The following CSMD1 variants were observed in gnomAD, a reference collection of about 807,000 sequenced individuals.
CSMD1 encodes the protein CUB and Sushi multiple domains 1.
Under a neutral mutation model 417.5 loss-of-function variants are expected in CSMD1, and 213 were observed. The ratio of observed to expected loss-of-function variants is 0.51; its 90% confidence interval spans 0.46 to 0.57. The LOEUF (loss-of-function observed/expected upper bound fraction) is 0.57. Among genes scored for constraint, CSMD1 ranks in the 20% least tolerant of loss-of-function variants. CSMD1 has a pLI of 0.00. For synonymous variants in CSMD1, 2,862 were observed against 1,736.8 expected, an observed-to-expected ratio of 1.65 and a Z score of -16.11; for missense variants, 6,923 against 4,529.7, an observed-to-expected ratio of 1.53 and a Z score of -15.17.
rs772676199 is a variant in CSMD1 at position 3,930,861 on chromosome 8, C to T, written c.818+67042G>A. ...AAGTAATAGATATCTTAATAGTTAA[C>T]TTACATTTTAGTCTAGTTTTAAAAC... On this transcript the variant is annotated intron_variant, in intron 5 of 69. Transcript: ENST00000635120. 5.3e-5 allele frequency among the ~76,000 whole-genome samples: 8 copies of T among 150,624 alleles called. 1 individual carries two copies. Among genetic ancestry groups the T allele is most frequent in the Non-Finnish European group, 1.0e-4 (7 of 67,578 alleles).
At chr8:3,767,009 C>G (rs984454752) in intron 5 of CSMD1, among the ~76,000 whole-genome samples, 1 of 152,232 alleles carries the variant, frequency 6.6e-6, no homozygotes, top group Non-Finnish European at 1.5e-5. Context: ...CCCTCAACAT[C>G]TGAGATCATA....
At chr8:3,204,857 C>T (rs1244392112) in intron 31 of CSMD1, among the ~76,000 whole-genome samples, 2 of 152,176 alleles carry the variant, frequency 1.3e-5, no homozygotes, top group Non-Finnish European at 2.9e-5. Flanking sequence ...AGAAAAGAAT[C>T]TGATCCAAGA....
At chr8:4,981,866 A>C (rs562518481) in intron 1 of CSMD1, among the ~76,000 whole-genome samples, 1 of 152,038 alleles carries the variant, frequency 6.6e-6, no homozygotes, top group Non-Finnish European at 1.5e-5. Flanking sequence ...GTAGCACTCA[A>C]CTGTGGAGTC....
intron 10 of CSMD1, among the ~76,000 whole-genome samples, chr8:3,511,036 A>C (rs144332108): frequency 6.6e-6 from 1 of 151,848 alleles, no homozygotes; most frequent in Non-Finnish European, 1.5e-5. Flanking sequence ...TACACCATGG[A>C]ATACTATGCA....
intron 5 of CSMD1, among the ~76,000 whole-genome samples, chr8:3,975,353 T>C (rs892566777): frequency 6.6e-6 from 1 of 152,198 alleles, no homozygotes; most frequent in Non-Finnish European, 1.5e-5. Flanking sequence ...AACTGCAATA[T>C]AATAATGTTA....
intron 54 of CSMD1, among the ~76,000 whole-genome samples, chr8:2,986,238 T>C (rs1009457836): frequency 1.3e-5 from 2 of 152,240 alleles, no homozygotes; most frequent in Non-Finnish European, 2.9e-5. Flanking sequence ...GGACTCACTG[T>C]CTGCCAGGCA....
intron 5 of CSMD1, among the ~76,000 whole-genome samples, chr8:3,758,299 G>C (rs1179437541): frequency 6.6e-6 from 1 of 152,180 alleles, no homozygotes; most frequent in African/African-American, 2.4e-5. Context: ...GCAAGGGTGA[G>C]GGCTTTAGAC....
chr8:2,935,858 A>G lies in CSMD1; in HGVS notation c.*2727T>C, dbSNP rs745569381. The G allele has an allele frequency of 1.7e-4, 26 of 152,240 alleles. No homozygotes were observed. The highest frequency in any genetic ancestry group is 6.5e-5 in the Admixed American group (1 of 15,276). The allele number at this position is 152,240 out of a possible 1,614,324, so 9.4% of individuals were successfully genotyped here. ...ACAGAAGAAAAAAATTATTGCAGCTAGCCTGAAAAAAGGCAAGATGTGTGT... is the reference window on the plus strand; with the variant it reads ...ACAGAAGAAAAAAATTATTGCAGCTGGCCTGAAAAAAGGCAAGATGTGTGT... On this transcript the variant is annotated 3_prime_UTR_variant, in exon 70 of 70. Transcript: ENST00000635120.
intron 1 of CSMD1, among the ~76,000 whole-genome samples, chr8:4,738,812 G>C (rs1411237185): frequency 2.0e-5 from 3 of 152,014 alleles, no homozygotes; most frequent in Non-Finnish European, 2.9e-5. Flanking sequence ...CCCTGTCTGA[G>C]TTCAACTACA....
At position 4,237,524 on chromosome 8, in the gene CSMD1, G is replaced by C. The variant is rs180872758; in HGVS notation, c.415+182429C>G. ...CTCTTGAACATGATGCTATACTGCA[G>C]TCAATACTACTTTTTTTTTTTTGTT... is the stretch of plus-strand genomic sequence containing the variant. On this transcript the variant is annotated intron_variant, in intron 3 of 69. Coordinates refer to ENST00000635120, the MANE Select transcript of CSMD1 (RefSeq NM_033225.6). Among the ~76,000 whole-genome samples the C allele has an allele frequency of 1.6e-3, 213 of 129,890 alleles. 2 individuals are homozygous for C. The highest frequency in any genetic ancestry group is 8.8e-3 in the Admixed American group (95 of 10,784). 85.2% of individuals were successfully genotyped at this position (129,890 alleles called of 152,430 possible).
chr8:4,169,636 G>C (rs1250916212), intron 3 of CSMD1, among the ~76,000 whole-genome samples: 1 of 152,118 alleles, frequency 6.6e-6, no homozygotes, highest in Admixed American at 6.5e-5. Flanking sequence ...GTCCCTTGCT[G>C]CTGCAGGGAC....
chr8:4,252,646 G>A (rs548330316), intron 3 of CSMD1, among the ~76,000 whole-genome samples: 1 of 152,316 alleles, frequency 6.6e-6, no homozygotes, highest in African/African-American at 2.4e-5. Flanking sequence ...GTAACACCCA[G>A]TTTAAAAATG....
intron 5 of CSMD1, among the ~76,000 whole-genome samples, chr8:3,830,359 G>C (rs975033534): frequency 5.9e-5 from 9 of 152,198 alleles, no homozygotes; most frequent in African/African-American, 2.2e-4. Flanking sequence ...TCTCTGCTCA[G>C]AGGTTGCTTT....
At chr8:3,340,897 A>C (rs894676951) in intron 23 of CSMD1, among the ~76,000 whole-genome samples, 2 of 152,202 alleles carry the variant, frequency 1.3e-5, no homozygotes, top group African/African-American at 4.8e-5. Context: ...GAGAACAAGA[A>C]AATTACTCCT....
chr8:4,304,240 G>A lies in CSMD1; in HGVS notation c.415+115713C>T, dbSNP rs370394399. On this transcript the variant is annotated intron_variant, in intron 3 of 69. Transcript: ENST00000635120. ...AAAGCTGTTTTATTCTAAATGTGAA[G>A]GGCTTTGCAGGCAAAGTCAAGGATT... Among the ~76,000 whole-genome samples the A allele has an allele frequency of 1.4e-4, 21 of 152,154 alleles. No individual in the cohort carries two copies. In the East Asian group the frequency reaches 3.1e-3, roughly 22 times the overall value.
At chr8:4,443,923 G>C (rs1256330625) in intron 2 of CSMD1, among the ~76,000 whole-genome samples, 1 of 152,138 alleles carries the variant, frequency 6.6e-6, no homozygotes, top group Non-Finnish European at 1.5e-5. Flanking sequence ...CATAAGAAAT[G>C]CGTACATATA....
chr8:4,286,072 C>T (rs375661042), intron 3 of CSMD1, among the ~76,000 whole-genome samples: 3 of 152,090 alleles, frequency 2.0e-5, no homozygotes, highest in South Asian at 2.1e-4. Flanking sequence ...GTCCGAAATA[C>T]AGCTGGAGAA....
intron 3 of CSMD1, among the ~76,000 whole-genome samples, chr8:4,292,409 C>T (rs1279987067): frequency 6.6e-6 from 1 of 151,974 alleles, no homozygotes; most frequent in African/African-American, 2.4e-5. Flanking sequence ...CCCGCCACCA[C>T]GCCCGGCTAA....
intron 5 of CSMD1, among the ~76,000 whole-genome samples, chr8:3,800,745 T>G (rs1585019230): frequency 1.3e-5 from 2 of 152,170 alleles, no homozygotes; most frequent in South Asian, 4.1e-4. Context: ...ATTAGTTTTG[T>G]TGAGGTAGTT....
Sources: allele counts gnomAD v4.1 joint callset (sites outside exome capture counted in the v4.1 genomes callset), GRCh38; gene constraint gnomAD v4.1.1; transcripts MANE v1.5; gene names NCBI Gene and HGNC (gene_info 2026-07-23, HGNC 2026-07-21).